TTLL5: variants seen among roughly 807,000 people sequenced by gnomAD.
TTLL5 encodes tubulin polyglutamylase TTLL5.
TTLL5 carries 132 observed loss-of-function variants against 168.4 expected under a neutral mutation model. The ratio of observed to expected loss-of-function variants is 0.78; its 90% confidence interval spans 0.68 to 0.91. The LOEUF is 0.91. Among genes scored for constraint, TTLL5 ranks in the 40% least tolerant of loss-of-function variants. TTLL5 has a pLI of 0.00. For missense variants in TTLL5, 1,545 were observed against 1,581.5 expected (o/e 0.98, Z 0.39); for synonymous variants, 546 against 558.6 (o/e 0.98, Z 0.32).
chr14:75,773,777 C>G (rs1891482219), intron 21 of TTLL5, among the ~76,000 whole-genome samples: 1 of 150,610 alleles, frequency 6.6e-6, no homozygotes, highest in South Asian at 2.1e-4. Context: ...ATAGTCCCAG[C>G]TACTTGGGAG....
At chr14:75,797,546 G>C (rs1010205744) in intron 27 of TTLL5, among the ~76,000 whole-genome samples, 2 of 152,040 alleles carry the variant, frequency 1.3e-5, no homozygotes, top group Non-Finnish European at 1.5e-5. Flanking sequence ...TGTTGGTTGT[G>C]GGTTTGTCAT....
At chr14:75,877,340 A>G (rs912249910) in intron 29 of TTLL5, among the ~76,000 whole-genome samples, 1 of 152,202 alleles carries the variant, frequency 6.6e-6, no homozygotes, top group African/African-American at 2.4e-5. Context: ...CTAGTAAGAG[A>G]GCCCAGATCT....
intron 2 of TTLL5, 33 bp from the exon 3 acceptor site, chr14:75,669,383 T>C: frequency 6.3e-7 from 1 of 1,588,536 alleles, no homozygotes; most frequent in Non-Finnish European, 8.6e-7. Context: ...GGTTTTGAGC[T>C]GTAAATTAAT....
chr14:75,922,282 G>A (rs1298050865), intron 31 of TTLL5, among the ~76,000 whole-genome samples: 2 of 152,130 alleles, frequency 1.3e-5, no homozygotes, highest in Admixed American at 6.5e-5. Context: ...AATAGGAGTG[G>A]TGAGAGAGGG....
intron 6 of TTLL5, among the ~76,000 whole-genome samples, chr14:75,697,116 G>A (rs1177868523): frequency 1.3e-5 from 2 of 152,134 alleles, no homozygotes; most frequent in Non-Finnish European, 2.9e-5. Context: ...AAAATTTTAT[G>A]TAAACAGCCA....
At chr14:75,879,732 C>T (rs192056277) in intron 29 of TTLL5, among the ~76,000 whole-genome samples, 1 of 152,284 alleles carries the variant, frequency 6.6e-6, no homozygotes, top group Admixed American at 6.5e-5. Context: ...TGACCGCAAG[C>T]CATGTCTTTT....
intron 31 of TTLL5, among the ~76,000 whole-genome samples, chr14:75,934,442 C>G (rs894082840): frequency 2.6e-5 from 4 of 152,216 alleles, no homozygotes; most frequent in Non-Finnish European, 4.4e-5. Context: ...ATAAGCTATA[C>G]TCTCATTCTG....
chr14:75,798,614 C>T (rs976282988), intron 27 of TTLL5, among the ~76,000 whole-genome samples: 1 of 152,034 alleles, frequency 6.6e-6, no homozygotes, highest in African/African-American at 2.4e-5. Flanking sequence ...TATGAACTTT[C>T]GTCTTAGCAC....
intron 20 of TTLL5, among the ~76,000 whole-genome samples, chr14:75,766,980 A>T (rs1282621049): frequency 6.6e-6 from 1 of 152,116 alleles, no homozygotes; most frequent in African/African-American, 2.4e-5. Flanking sequence ...CCTGACCAAC[A>T]TGGAGAAACC....
intron 18 of TTLL5, among the ~76,000 whole-genome samples, chr14:75,755,223 C>T (rs1890173550): frequency 6.6e-6 from 1 of 151,762 alleles, no homozygotes; most frequent in Admixed American, 6.6e-5. Flanking sequence ...TAAGATCGCA[C>T]CATTGCATTC....
At chr14:75,824,155 G>T (rs1030274549) in intron 28 of TTLL5, among the ~76,000 whole-genome samples, 1 of 152,074 alleles carries the variant, frequency 6.6e-6, no homozygotes, top group Admixed American at 6.6e-5. Context: ...TGCTGGGGAG[G>T]AGCAGTAAAT....
intron 12 of TTLL5, among the ~76,000 whole-genome samples, chr14:75,728,796 T>C (rs991955765): frequency 2.0e-5 from 3 of 151,726 alleles, no homozygotes; most frequent in African/African-American, 7.3e-5. Context: ...AAACCTACCA[T>C]TGAATATCTG....
At chr14:75,928,204 G>A (rs561621035) in intron 31 of TTLL5, among the ~76,000 whole-genome samples, 1 of 151,874 alleles carries the variant, frequency 6.6e-6, no homozygotes, top group South Asian at 2.1e-4. Context: ...GGTCATTAGG[G>A]AAAGCAGCAT....
intron 12 of TTLL5, among the ~76,000 whole-genome samples, chr14:75,722,316 G>A (rs1006676616): frequency 4.6e-5 from 7 of 151,952 alleles, no homozygotes; most frequent in African/African-American, 4.8e-5. Context: ...CATGATCACC[G>A]TTCACTGCAG....
chr14:75,833,592 A>G (rs1036094954), intron 28 of TTLL5, among the ~76,000 whole-genome samples: 2 of 152,206 alleles, frequency 1.3e-5, no homozygotes, highest in Non-Finnish European at 2.9e-5. Context: ...ATAAATGCCT[A>G]CTTCCTAGGG....
chr14:75,720,442 T>C (rs945125262), intron 11 of TTLL5, among the ~76,000 whole-genome samples, 154 bp from the exon 12 acceptor site: 2 of 152,246 alleles, frequency 1.3e-5, no homozygotes, highest in Non-Finnish European at 2.9e-5. Flanking sequence ...TTCACAGATA[T>C]GCCTGCCTCT....
At position 75,951,433 on chromosome 14, in the gene TTLL5, A is replaced by G. The variant is rs560253812; in HGVS notation, c.3824-2991A>G. Among the ~76,000 whole-genome samples the G allele has an allele frequency of 2.6e-5, 4 of 152,240 alleles. No homozygotes were observed. The East Asian group carries it at 7.7e-4, about 29-fold the overall frequency. On this transcript the variant is annotated intron_variant, in intron 31 of 31. Coordinates refer to ENST00000298832, the MANE Select transcript of TTLL5 (RefSeq NM_015072.5). ...CAATCTAATTTTTATCCTGAATAGC[A>G]CTTATCTTAATAAATTACAAAACAA...
At chr14:75,945,415 C>G (rs1187325200) in intron 31 of TTLL5, among the ~76,000 whole-genome samples, 1 of 151,604 alleles carries the variant, frequency 6.6e-6, no homozygotes, top group Non-Finnish European at 1.5e-5. Context: ...TGCCACCATG[C>G]TCGGCTGATT....
intron 31 of TTLL5, among the ~76,000 whole-genome samples, chr14:75,903,368 A>G (rs978741609): frequency 1.4e-4 from 21 of 151,880 alleles, no homozygotes; most frequent in Non-Finnish European, 2.9e-4. Flanking sequence ...GACCGGGGGG[A>G]AGTGAAAACG....
Sources: allele counts gnomAD v4.1 joint callset (sites outside exome capture counted in the v4.1 genomes callset), GRCh38; gene constraint gnomAD v4.1.1; transcripts MANE v1.5; gene names NCBI Gene and HGNC (gene_info 2026-07-23, HGNC 2026-07-21).